Variants in SGK2 observed in about 807,000 individuals in gnomAD.
The protein encoded by SGK2 is serum/glucocorticoid regulated kinase 2.
SGK2 carries 36 observed loss-of-function variants against 47.5 expected under a neutral mutation model. The observed-to-expected ratio is 0.76, with a 90% CI of 0.58 to 1.00. The LOEUF is 1.00. Ranked by LOEUF, SGK2 falls within the 50% of genes least tolerant of loss-of-function variation. The pLI is 0.00. For synonymous variants in SGK2, 157 were observed against 181.9 expected (o/e 0.86, Z 1.10); for missense variants, 404 against 467.4 (o/e 0.86, Z 1.25).
At chr20:43,580,082 A>C (rs1980698532) in intron 12 of SGK2, 21 bp downstream of exon 12, 14 of 1,489,586 alleles carry the variant, frequency 9.4e-6, no homozygotes, top group Non-Finnish European at 1.2e-5. Flanking sequence ...ACAGCATTCT[A>C]GACTCTGGAT....
chr20:43,576,183 TTGCA>T, intron 10 of SGK2, 37 bp from the exon 11 acceptor site: 1 of 1,608,058 alleles, frequency 6.2e-7, no homozygotes, highest in Non-Finnish European at 8.5e-7. Flanking sequence ...TGTGTTCACT[TTGCA>T]TGGGTGATCC....
At chr20:43,561,106 G>A (rs879591706) in intron 1 of SGK2, among the ~76,000 whole-genome samples, 1 of 152,204 alleles carries the variant, frequency 6.6e-6, no homozygotes, top group Non-Finnish European at 1.5e-5. Flanking sequence ...CTTGTCACCC[G>A]TAATCAGTAC....
rs537562279 is a variant in SGK2 at position 43,566,402 on chromosome 20, G to T, written c.-23-71G>T. The stretch of plus-strand genomic sequence containing the variant: ...GAGGATGGAGAGGGCAGTGGTGCCT[G>T]AAGCCCTGGATGGGCGGAGCTGACC... On this transcript the variant is annotated intron_variant, in intron 1 of 12. Transcript: ENST00000373100. 1.3e-5 allele frequency: 21 copies of T among 1,614,222 alleles called. No individual in the cohort carries two copies. In the South Asian group the frequency reaches 2.1e-4, roughly 16 times the overall value.
At chr20:43,569,612 C>G in intron 6 of SGK2, 96 bp downstream of exon 6, 2 of 1,438,174 alleles carry the variant, frequency 1.4e-6, no homozygotes, top group Non-Finnish European at 1.9e-6. Context: ...GGAATGATCT[C>G]ACTTCATCTT....
intron 11 of SGK2, among the ~76,000 whole-genome samples, chr20:43,579,716 C>G (rs768179848): frequency 6.6e-6 from 1 of 152,090 alleles, no homozygotes; most frequent in Non-Finnish European, 1.5e-5. Context: ...AGCAAAGGGT[C>G]GGTGCCCAGA....
In SGK2 at chr20:43,584,991, A is replaced by G. The variant is rs766765898; in HGVS notation, c.1079A>G (p.Glu360Gly). The change falls in exon 13 of 13, where the codon GAG becomes GGG. Residue 360 changes from glutamate to glycine, a missense_variant. By Grantham distance (98) the Glu-to-Gly change is moderately conservative. Coordinates refer to ENST00000373100, the MANE Select transcript of SGK2 (RefSeq NM_170693.3). ...TTCCTGGGATTTTCTTATGCGCCAG[A>G]GGATGATGACATCTTGGATTGCTAG... ...SAFLGFSYAP[E>G]DDDILDC 4 of 1,613,968 alleles carry G rather than the reference A, an allele frequency of 2.5e-6. No homozygotes were observed. In the East Asian group the frequency reaches 6.7e-5, roughly 27 times the overall value.
intron 12 of SGK2, among the ~76,000 whole-genome samples, chr20:43,582,984 T>C (rs760422963): frequency 3.3e-5 from 5 of 152,172 alleles, no homozygotes; most frequent in Non-Finnish European, 5.9e-5. Context: ...TGTTAATTGG[T>C]AGTGGCAGTG....
intron 1 of SGK2, 23 bp from the exon 2 acceptor site, chr20:43,566,449 GC>G: frequency 6.2e-7 from 1 of 1,614,116 alleles, no homozygotes; most frequent in Non-Finnish European, 8.5e-7. Context: ...ACTCTCTCAT[GC>G]CTGCTCCTCC....
intron 1 of SGK2, among the ~76,000 whole-genome samples, chr20:43,565,554 C>T (rs1255192938): frequency 6.6e-6 from 1 of 152,180 alleles, no homozygotes; most frequent in African/African-American, 2.4e-5. Context: ...CCTCCAGGAC[C>T]CCCCCTTGTA....
At chr20:43,573,387 G>A (rs1469573996) in intron 9 of SGK2, among the ~76,000 whole-genome samples, 5 of 151,808 alleles carry the variant, frequency 3.3e-5, no homozygotes. Flanking sequence ...TACTCAGGAG[G>A]CTGAGGCAGG....
intron 12 of SGK2, chr20:43,583,200 C>A (rs1412669995): frequency 1.9e-5 from 25 of 1,289,678 alleles, no homozygotes; most frequent in Non-Finnish European, 2.4e-5. Context: ...TCGGGCCAGG[C>A]ACCAGAAAAG....
At position 43,584,855 on chromosome 20, in the gene SGK2, G is replaced by A. The variant is rs763238680; in HGVS notation, c.943G>A (p.Gly315Arg). 3.1e-6 allele frequency: 5 copies of A among 1,613,534 alleles called. No homozygotes were observed. The East Asian group carries it at 1.1e-4, about 36-fold the overall frequency. Residue 315 changes from glycine to arginine, a missense_variant, in exon 13 of 13, where the codon GGA (glycine) becomes AGA (arginine). Physicochemically the swap from Gly to Arg is moderately radical, Grantham distance 125. Transcript: ENST00000373100. ...CATCATTGGCTTTTATTGACAGACA[G>A]GACCTGCTGACTTGAAGCATTTTGA... is the stretch of plus-strand genomic sequence containing the variant. ...LTPPFNPNVT[G>R]PADLKHFDPE...
intron 2 of SGK2, among the ~76,000 whole-genome samples, 171 bp from the exon 3 acceptor site, chr20:43,566,894 TAGA>T (rs1568661563): frequency 1.7e-5 from 1 of 57,904 alleles, no homozygotes; most frequent in Non-Finnish European, 3.1e-5. Flanking sequence ...TGTGGGTGGG[TAGA>T]AGGAGGGAGG....
chr20:43,573,437 C>T (rs3787271), intron 9 of SGK2, among the ~76,000 whole-genome samples: 16,271 of 144,368 alleles, frequency 0.11, 1,095 homozygotes, highest in African/African-American at 0.2. Context: ...TGCAGTGAGC[C>T]GAGATCGGGT....
chr20:43,566,603 C>T, intron 2 of SGK2, 72 bp downstream of exon 2: 1 of 1,104,848 alleles, frequency 9.1e-7, no homozygotes, highest in Non-Finnish European at 1.3e-6. Context: ...ATCTGTGGGT[C>T]CCAGACAATG....
chr20:43,583,705 A>C, intron 12 of SGK2: 1 of 703,084 alleles, frequency 1.4e-6, no homozygotes, highest in Non-Finnish European at 1.7e-6. Context: ...ATGGTAGTTC[A>C]TATCTGTAAC....
chr20:43,584,025 C>G (rs548145519), intron 12 of SGK2, among the ~76,000 whole-genome samples: 71 of 152,112 alleles, frequency 4.7e-4, no homozygotes, highest in African/African-American at 1.7e-3. Context: ...GTCAGGCCAG[C>G]TGGTCTCTGT....
chr20:43,566,349 T>A (rs33969356), intron 1 of SGK2, 124 bp from the exon 2 acceptor site: 97,834 of 1,613,164 alleles, frequency 0.061, 3,507 homozygotes, highest in Non-Finnish European at 0.066. Context: ...TAGGAAACCC[T>A]CAGGCGGTGG....
At chr20:43,579,943 C>A (rs756554112) in intron 11 of SGK2, 29 bp from the exon 12 acceptor site, 15 of 1,553,928 alleles carry the variant, frequency 9.7e-6, no homozygotes, top group Admixed American at 3.3e-5. Flanking sequence ...CTACTTCTAA[C>A]CAGAACCTTT....
Sources: gnomAD v4.1 joint callset for allele counts (sites outside exome capture counted in the v4.1 genomes callset) on GRCh38, gnomAD v4.1.1 for gene constraint, MANE v1.5 for transcripts, NCBI Gene and HGNC (gene_info 2026-07-23, HGNC 2026-07-21) for gene names.